Variants in DSCAM observed in about 807,000 individuals in gnomAD.
DSCAM encodes the protein cell adhesion molecule DSCAM.
In DSCAM, 47 loss-of-function variants were observed where a neutral mutation model predicts 217.7. The ratio of observed to expected loss-of-function variants is 0.22; its 90% CI spans 0.17 to 0.28. The LOEUF (loss-of-function observed/expected upper bound fraction) is 0.28, where lower values mean the gene tolerates loss of function less well. DSCAM is among the 10% of genes least tolerant of loss of function. The pLI, the probability that DSCAM is intolerant of heterozygous loss-of-function variation, is 1.00. For missense variants in DSCAM, 2,080 were observed against 2,618.3 expected, an observed-to-expected ratio of 0.79 and a Z score of 4.49; for synonymous variants, 1,056 against 1,015.3, an observed-to-expected ratio of 1.04 and a Z score of -0.76.
At chr21:40,814,595 T>C (rs1287499299) in intron 1 of DSCAM, among the ~76,000 whole-genome samples, 4 of 152,234 alleles carry the variant, frequency 2.6e-5, no homozygotes, top group Non-Finnish European at 5.9e-5. Flanking sequence ...AGCAGCAACA[T>C]TGACAAATAC....
chr21:40,405,075 T>C (rs892927293), intron 3 of DSCAM, among the ~76,000 whole-genome samples: 4 of 152,180 alleles, frequency 2.6e-5, no homozygotes, highest in Non-Finnish European at 5.9e-5. Flanking sequence ...CCATGAAGTA[T>C]GGGAGATGCA....
At chr21:40,171,755 A>G (rs2090660692) in intron 15 of DSCAM, among the ~76,000 whole-genome samples, 1 of 152,138 alleles carries the variant, frequency 6.6e-6, no homozygotes, top group East Asian at 1.9e-4. Context: ...TAAATTATAA[A>G]AAATTTCCCT....
intron 1 of DSCAM, among the ~76,000 whole-genome samples, chr21:40,793,639 C>T (rs919642818): frequency 3.3e-5 from 5 of 151,968 alleles, no homozygotes; most frequent in Admixed American, 6.6e-5. Context: ...TACAGACGCA[C>T]GCCACCATGG....
chr21:40,069,929 A>G (rs2837418), intron 27 of DSCAM, among the ~76,000 whole-genome samples: 35,432 of 151,930 alleles, frequency 0.23, 5,509 homozygotes, highest in African/African-American at 0.41. Flanking sequence ...AAAAAACTGC[A>G]TGCACAGACA....
chr21:40,300,756 C>T (rs1049030530), intron 9 of DSCAM, among the ~76,000 whole-genome samples: 2 of 152,198 alleles, frequency 1.3e-5, no homozygotes, highest in African/African-American at 4.8e-5. Flanking sequence ...ATCAGAATCA[C>T]CTGAAGAGCT....
chr21:40,372,347 A>G (rs1239708926), intron 3 of DSCAM, among the ~76,000 whole-genome samples: 1 of 152,254 alleles, frequency 6.6e-6, no homozygotes, highest in Non-Finnish European at 1.5e-5. Context: ...GTGCAAACAC[A>G]CAATTCTGTC....
chr21:40,073,791 T>C (rs1293098106), intron 27 of DSCAM, among the ~76,000 whole-genome samples: 7 of 152,184 alleles, frequency 4.6e-5, no homozygotes, highest in Admixed American at 1.3e-4. Flanking sequence ...CTTTGTGTAT[T>C]AAGCACCTAG....
chr21:40,608,296 A>G (rs902273882), intron 3 of DSCAM, among the ~76,000 whole-genome samples: 26 of 152,348 alleles, frequency 1.7e-4, no homozygotes, highest in Non-Finnish European at 3.5e-4. Flanking sequence ...TAATATTTTG[A>G]AAATATATTT....
At chr21:40,639,403 T>C (rs2089849552) in intron 3 of DSCAM, among the ~76,000 whole-genome samples, 1 of 152,200 alleles carries the variant, frequency 6.6e-6, no homozygotes, top group Non-Finnish European at 1.5e-5. Context: ...ACTGACAAAG[T>C]ATGAGCAGTA....
intron 1 of DSCAM, among the ~76,000 whole-genome samples, chr21:40,839,394 C>G (rs531981513): frequency 1.8e-4 from 27 of 152,320 alleles, no homozygotes; most frequent in Non-Finnish European, 2.6e-4. Flanking sequence ...CGTGAAACAT[C>G]TTTAAGAAAG....
At chr21:40,472,759 C>T (rs1008200878) in intron 3 of DSCAM, among the ~76,000 whole-genome samples, 1 of 151,964 alleles carries the variant, frequency 6.6e-6, no homozygotes, top group African/African-American at 2.4e-5. Context: ...ACCTCATACT[C>T]ATTTCTCAGA....
Position 40,493,686 on chromosome 21 carries a change from A to T in DSCAM, c.509-124441T>A, listed in dbSNP as rs1321042114. Among the ~76,000 whole-genome samples, 5 of 150,934 alleles carry T rather than the reference A, an allele frequency of 3.3e-5. No individual in the cohort carries two copies. The East Asian group carries it at 5.9e-4, about 18-fold the overall frequency. On this transcript the variant is annotated intron_variant, in intron 3 of 32. Transcript: ENST00000400454. ...AGACCAGCCTGGCTAACATGGTGAA[A>T]CCCTGTTTCTACTAAAAATACAAAA...
chr21:40,297,734 T>C (rs1342938542), intron 9 of DSCAM, among the ~76,000 whole-genome samples: 1 of 152,224 alleles, frequency 6.6e-6, no homozygotes, highest in African/African-American at 2.4e-5. Flanking sequence ...TTCACCGCAG[T>C]GTTTCTGGAG....
chr21:40,790,207 A>AGT (rs1045200246), intron 1 of DSCAM, among the ~76,000 whole-genome samples: 1 of 122,380 alleles, frequency 8.2e-6, no homozygotes, highest in Non-Finnish European at 1.6e-5. Context: ...TTTTAGATGG[A>AGT]GTCTCGCTCT....
intron 30 of DSCAM, among the ~76,000 whole-genome samples, chr21:40,051,491 G>A (rs976611579): frequency 2.0e-5 from 3 of 152,122 alleles, no homozygotes; most frequent in African/African-American, 7.2e-5. Context: ...TACTACTTAT[G>A]TGTGCAACTT....
chr21:40,636,420 T>C (rs921148856), intron 3 of DSCAM, among the ~76,000 whole-genome samples: 3 of 151,994 alleles, frequency 2.0e-5, no homozygotes, highest in African/African-American at 7.2e-5. Context: ...AAGGGGGTGG[T>C]TCACTGCTTC....
intron 1 of DSCAM, among the ~76,000 whole-genome samples, chr21:40,739,920 T>C (rs990317178): frequency 1.3e-5 from 2 of 149,742 alleles, no homozygotes; most frequent in Non-Finnish European, 3.0e-5. Context: ...GAAATGTCCA[T>C]TGGGAAAGGC....
At chr21:40,544,084 C>T (rs1243982717) in intron 3 of DSCAM, among the ~76,000 whole-genome samples, 1 of 152,050 alleles carries the variant, frequency 6.6e-6, no homozygotes, top group Non-Finnish European at 1.5e-5. Flanking sequence ...GGTGAGCCAT[C>T]GCACTGGTGA....
chr21:40,410,906 C>T (rs1034345868), intron 3 of DSCAM, among the ~76,000 whole-genome samples: 12 of 152,154 alleles, frequency 7.9e-5, no homozygotes, highest in East Asian at 3.9e-4. Context: ...AAAATTCAAC[C>T]GATGTAAACA....
Sources: gnomAD v4.1 joint callset for allele counts (sites outside exome capture counted in the v4.1 genomes callset) on GRCh38, gnomAD v4.1.1 for gene constraint, MANE v1.5 for transcripts, NCBI Gene and HGNC (gene_info 2026-07-23, HGNC 2026-07-21) for gene names.